HS6ST3: variants seen among roughly 807,000 people sequenced by gnomAD.
The protein encoded by HS6ST3 is heparan-sulfate 6-O-sulfotransferase 3.
In HS6ST3, 12 loss-of-function variants were observed where a neutral mutation model predicts 36.7. The observed-to-expected ratio is 0.33, with a 90% CI of 0.21 to 0.53. The LOEUF is 0.53. Ranked by LOEUF, HS6ST3 falls within the 20% of genes least tolerant of loss-of-function variation. The probability of loss-of-function intolerance (pLI) is 0.95; values close to 1 mark genes in which losing one functional copy is unlikely to be tolerated. For missense variants in HS6ST3, 584 were observed against 640.9 expected, an observed-to-expected ratio of 0.91 and a Z score of 0.96; for synonymous variants, 240 against 257.5, an observed-to-expected ratio of 0.93 and a Z score of 0.65.
Position 96,095,863 on chromosome 13 carries a change from G to GGTGTGTGTGTGTGTGTGTGT in HS6ST3, c.707+4315_707+4334dup, listed in dbSNP as rs141939376. 9.3e-4 allele frequency among the ~76,000 whole-genome samples: 130 copies of GGTGTGTGTGTGTGTGTGTGT among 140,396 alleles called. 1 individual carries two copies. The highest frequency in any genetic ancestry group is 3.5e-3 in the Middle Eastern group (1 of 284). The allele number at this position is 140,396 out of a possible 152,430, so 92.1% of individuals were successfully genotyped here. A position where few individuals can be genotyped will look rare whatever the true frequency, so the allele number is the denominator to read the frequency against. On this transcript the variant is annotated intron_variant, in intron 1 of 1. Transcript: ENST00000376705. ...GTATCACAGAACCATTTATATGACT[G>GGTGTGTGTGTGTGTGTGTGT]GTGTGTGTGTGTGTGTGTGTGTGTG...
At chr13:96,502,254 C>T (rs1468631269) in intron 1 of HS6ST3, among the ~76,000 whole-genome samples, 1 of 151,886 alleles carries the variant, frequency 6.6e-6, no homozygotes, top group Non-Finnish European at 1.5e-5. Context: ...ACCTAGCAGG[C>T]AATCAGTAAG....
At chr13:96,282,522 T>C (rs1041853213) in intron 1 of HS6ST3, among the ~76,000 whole-genome samples, 1 of 152,170 alleles carries the variant, frequency 6.6e-6, no homozygotes, top group African/African-American at 2.4e-5. Context: ...TAAATGGCCT[T>C]ACCCAAAGTT....
intron 1 of HS6ST3, among the ~76,000 whole-genome samples, chr13:96,800,549 T>TA (rs1280761128): frequency 2.0e-5 from 3 of 152,068 alleles, no homozygotes; most frequent in East Asian, 1.9e-4. Context: ...TGGGGCAAGG[T>TA]AAAAAATATA....
At chr13:96,455,771 T>C (rs889908342) in intron 1 of HS6ST3, among the ~76,000 whole-genome samples, 4 of 152,248 alleles carry the variant, frequency 2.6e-5, no homozygotes, top group Non-Finnish European at 5.9e-5. Context: ...TAAACCAGTG[T>C]GAACTATTTA....
At chr13:96,177,722 T>A (rs1435279442) in intron 1 of HS6ST3, among the ~76,000 whole-genome samples, 1 of 151,826 alleles carries the variant, frequency 6.6e-6, no homozygotes, top group African/African-American at 2.4e-5. Context: ...ATATTAATAA[T>A]ATGTGCAACA....
intron 1 of HS6ST3, among the ~76,000 whole-genome samples, chr13:96,568,074 G>GAAAATT (rs1282898327): frequency 4.6e-5 from 7 of 152,166 alleles, no homozygotes; most frequent in Non-Finnish European, 1.0e-4. Context: ...TTATGAAAAT[G>GAAAATT]AAAAACGTGC....
At chr13:96,096,005 G>A (rs2053789095) in intron 1 of HS6ST3, among the ~76,000 whole-genome samples, 1 of 151,812 alleles carries the variant, frequency 6.6e-6, no homozygotes, top group Admixed American at 6.6e-5. Flanking sequence ...AAATACATGA[G>A]AAATAAATGA....
intron 1 of HS6ST3, among the ~76,000 whole-genome samples, chr13:96,612,051 C>T (rs1253389639): frequency 2.0e-5 from 3 of 152,072 alleles, no homozygotes; most frequent in Non-Finnish European, 2.9e-5. Context: ...AGAGTAGTCT[C>T]ATATGGGGAT....
intron 1 of HS6ST3, among the ~76,000 whole-genome samples, chr13:96,785,629 C>A (rs565964712): frequency 6.6e-6 from 1 of 152,034 alleles, no homozygotes; most frequent in Non-Finnish European, 1.5e-5. Flanking sequence ...CAAGGTCAGA[C>A]AGATAAGCGC....
At chr13:96,799,984 A>ATATATATATATATGTATATATATATG (rs1878018884) in intron 1 of HS6ST3, among the ~76,000 whole-genome samples, 2 of 92,474 alleles carry the variant, frequency 2.2e-5, no homozygotes, top group African/African-American at 6.3e-5. Flanking sequence ...ATATATATGT[A>ATATATATATATATGTATATATATATG]TATATATATA....
At chr13:96,541,862 A>G (rs530144042) in intron 1 of HS6ST3, among the ~76,000 whole-genome samples, 1 of 152,268 alleles carries the variant, frequency 6.6e-6, no homozygotes, top group African/African-American at 2.4e-5. Flanking sequence ...GTAGACTACA[A>G]CTCATCGTAT....
chr13:96,208,041 G>T (rs1307488228), intron 1 of HS6ST3, among the ~76,000 whole-genome samples: 1 of 152,082 alleles, frequency 6.6e-6, no homozygotes, highest in East Asian at 1.9e-4. Context: ...AAAAGGAATA[G>T]ATCATATAAA....
intron 1 of HS6ST3, among the ~76,000 whole-genome samples, chr13:96,407,630 G>A (rs1365543111): frequency 6.6e-6 from 1 of 152,150 alleles, no homozygotes; most frequent in Non-Finnish European, 1.5e-5. Context: ...TGATAACCTA[G>A]CAAGATCAAA....
intron 1 of HS6ST3, among the ~76,000 whole-genome samples, chr13:96,693,260 A>G (rs1040595441): frequency 3.3e-5 from 5 of 152,144 alleles, no homozygotes; most frequent in Non-Finnish European, 7.3e-5. Flanking sequence ...TGTTTGATAG[A>G]AATAACTTTG....
chr13:96,577,233 T>A (rs1272389464), intron 1 of HS6ST3, among the ~76,000 whole-genome samples: 1 of 152,158 alleles, frequency 6.6e-6, no homozygotes, highest in Non-Finnish European at 1.5e-5. Flanking sequence ...TTCTCATTGT[T>A]GAACTCGCAC....
chr13:96,567,351 G>T (rs896398727), intron 1 of HS6ST3, among the ~76,000 whole-genome samples: 1 of 152,212 alleles, frequency 6.6e-6, no homozygotes, highest in Admixed American at 6.5e-5. Flanking sequence ...TACCAGAGAG[G>T]GGGTGGTAGA....
At chr13:96,437,478 C>T (rs1226055123) in intron 1 of HS6ST3, among the ~76,000 whole-genome samples, 2 of 152,320 alleles carry the variant, frequency 1.3e-5, no homozygotes, top group African/African-American at 4.8e-5. Context: ...CCAGTCTCCT[C>T]CCCACCTTTC....
intron 1 of HS6ST3, among the ~76,000 whole-genome samples, chr13:96,436,241 G>A (rs544286283): frequency 1.3e-5 from 2 of 152,238 alleles, no homozygotes; most frequent in Admixed American, 6.5e-5. Context: ...AGAAATCAAA[G>A]GTCAGCATTA....
chr13:96,619,238 A>G (rs1024449233), intron 1 of HS6ST3, among the ~76,000 whole-genome samples: 1 of 152,188 alleles, frequency 6.6e-6, no homozygotes, highest in African/African-American at 2.4e-5. Flanking sequence ...GTTAATACCA[A>G]TGGTGTCATG....
Sources: allele counts gnomAD v4.1 joint callset (sites outside exome capture counted in the v4.1 genomes callset), GRCh38; gene constraint gnomAD v4.1.1; transcripts MANE v1.5; gene names NCBI Gene and HGNC (gene_info 2026-07-23, HGNC 2026-07-21).